The following VPS26B variants were observed in gnomAD, a reference collection of about 807,000 sequenced individuals.
The protein encoded by VPS26B is vacuolar protein sorting-associated protein 26B.
In VPS26B, 10 loss-of-function variants were observed where a neutral mutation model predicts 33.3. That is an observed-to-expected ratio of 0.30 (90% CI 0.19 to 0.51). VPS26B has a LOEUF of 0.51. Among genes scored for constraint, VPS26B ranks in the 20% least tolerant of loss-of-function variants. VPS26B has a pLI of 0.98. For synonymous variants in VPS26B, 190 were observed against 176.9 expected (o/e 1.07, Z -0.59); for missense variants, 317 against 452.7 (o/e 0.70, Z 2.72).
chr11:134,234,878 C>A lies in VPS26B; in HGVS notation c.224-19C>A, dbSNP rs767875683. ...CAGGGTCTGATAAAGGAGGGCGTCG[C>A]ATCGCTGTCTCTCACCAGAACTCTA... On this transcript the variant is annotated intron_variant, in intron 1 of 5. Transcript: ENST00000281187. The A allele has an allele frequency of 1.2e-6, 2 of 1,611,000 alleles. No individual in the cohort carries two copies. Among genetic ancestry groups the A allele is most frequent in the East Asian group, 4.5e-5 (2 of 44,790 alleles).
At chr11:134,226,414 A>G (rs538867701) in intron 1 of VPS26B, among the ~76,000 whole-genome samples, 1 of 152,256 alleles carries the variant, frequency 6.6e-6, no homozygotes, top group South Asian at 2.1e-4. Context: ...TCTCAAAAAA[A>G]TAAACAAATA....
chr11:134,233,582 G>A (rs1018996174), intron 1 of VPS26B, among the ~76,000 whole-genome samples: 1 of 152,200 alleles, frequency 6.6e-6, no homozygotes, highest in African/African-American at 2.4e-5. Flanking sequence ...ACAATTAGCT[G>A]GGCGTGGTGG....
chr11:134,233,114 ATTGT>A (rs1390935619), intron 1 of VPS26B, among the ~76,000 whole-genome samples: 4 of 152,176 alleles, frequency 2.6e-5, no homozygotes, highest in Non-Finnish European at 4.4e-5. Context: ...AAGGAAGGTC[ATTGT>A]TTGTAATAAA....
rs975314478 is a variant in VPS26B, at chr11:134,225,140, C to T, written c.18C>T (p.Phe6=). The part of the protein sequence containing the change: MSFFG[F]GQSVEVEILL... ...GCGGTGCGATGAGCTTCTTCGGCTT[C>T]GGGCAGAGCGTGGAGGTGGAAATCC... Residue 6 remains phenylalanine, a synonymous_variant, in exon 1 of 6, where the codon TTC becomes TTT. Transcript: ENST00000281187. 3.1e-6 allele frequency: 5 copies of T among 1,609,728 alleles called. No homozygotes were observed. Among genetic ancestry groups the T allele is most frequent in the Non-Finnish European group, 3.4e-6 (4 of 1,177,304 alleles).
intron 1 of VPS26B, 115 bp downstream of exon 1, chr11:134,225,460 C>A: frequency 9.5e-7 from 1 of 1,052,530 alleles, no homozygotes; most frequent in Non-Finnish European, 1.4e-6. Context: ...CAACTGCAGT[C>A]TGAGGCCTGG....
intron 2 of VPS26B, among the ~76,000 whole-genome samples, chr11:134,238,150 G>A (rs970810287): frequency 1.3e-5 from 2 of 152,168 alleles, no homozygotes; most frequent in East Asian, 1.9e-4. Flanking sequence ...CATATCAGGT[G>A]TGCCCAGGCA....
chr11:134,244,651 A>T lies in VPS26B; in HGVS notation c.722-287A>T, dbSNP rs1938782844. On this transcript the variant is annotated intron_variant, in intron 4 of 5. Transcript: ENST00000281187. This position sits in a 1 kb window ranked among gnomAD's most constrained non-coding sequence, Gnocchi z 4.0. ...AAAACCCCAAAACTAAACACACTGC[A>T]TGTAATCAAAAGATGCTTATACTAA... 3 of 311,440 alleles carry T rather than the reference A, an allele frequency of 9.6e-6. No individual in the cohort carries two copies. The South Asian group carries it at 2.1e-4, about 22-fold the overall frequency. The allele number at this position is 311,440 out of a possible 1,614,324, so 19.3% of individuals were successfully genotyped here.
intron 1 of VPS26B, 108 bp downstream of exon 1, chr11:134,225,453 C>T (rs1189494271): frequency 8.8e-7 from 1 of 1,136,948 alleles, no homozygotes; most frequent in African/African-American, 1.5e-5. Flanking sequence ...CGCTTGTCAA[C>T]TGCAGTCTGA....
chr11:134,245,422 T>C lies in VPS26B; in HGVS notation c.865-22T>C. ...CATGCCTCCCTCTAAGGTGTCACATTGCCCCCCTTTCAATTCTGCAGGAAG... is the reference window on the plus strand; with the variant it reads ...CATGCCTCCCTCTAAGGTGTCACATCGCCCCCCTTTCAATTCTGCAGGAAG... On this transcript the variant is annotated intron_variant, in intron 5 of 5. Transcript: ENST00000281187. The surrounding 1 kb of genome is among the most constrained non-coding windows in gnomAD (Gnocchi z 4.7). 6.2e-7 allele frequency: 1 copy of C among 1,613,764 alleles called. No individual in the cohort carries two copies. The highest frequency in any genetic ancestry group is 8.5e-7 in the Non-Finnish European group (1 of 1,179,718).
chr11:134,246,540 T>C lies in VPS26B; in HGVS notation c.*950T>C, dbSNP rs34003681. On this transcript the variant is annotated 3_prime_UTR_variant, in exon 6 of 6. Coordinates refer to ENST00000281187, the MANE Select transcript of VPS26B (RefSeq NM_052875.5). ...CACCCTCCATTTCATTTCTGGGAAT[T>C]GGGGCTTAGTTTCGAACCTTTGGCA... The C allele has an allele frequency of 0.065, 9,856 of 152,424 alleles. 475 individuals carry two copies. Among genetic ancestry groups the C allele is most frequent in the African/African-American group, 0.14 (5,743 of 41,454 alleles). The allele number at this position is 152,424 out of a possible 1,614,324, so 9.4% of individuals were successfully genotyped here. A position where few individuals can be genotyped will look rare whatever the true frequency, so the allele number is the denominator to read the frequency against.
Position 134,245,230 on chromosome 11 carries a change from C to T in VPS26B, c.864+150C>T, listed in dbSNP as rs1938791846. On this transcript the variant is annotated intron_variant, in intron 5 of 5. Transcript: ENST00000281187. The surrounding 1 kb of genome is among the most constrained non-coding windows in gnomAD (Gnocchi z 4.7). ...ACAAGAATGAGGATTCTCACCTGGC[C>T]TTAGAGTCTGCTTCCTCGGGCCTTC... The T allele has an allele frequency of 5.1e-5, 69 of 1,347,624 alleles. 1 individual carries two copies. In the South Asian group the frequency reaches 9.6e-4, roughly 19 times the overall value. 83.5% of individuals were successfully genotyped at this position (1,347,624 alleles called of 1,614,324 possible).
In VPS26B at chr11:134,240,027, T is replaced by C. The variant is rs1938692864; in HGVS notation, c.417T>C (p.Asn139=). The C allele has an allele frequency of 6.2e-7, 1 of 1,614,072 alleles. No homozygotes were observed. ...FLRATISRRL[N]DVVKEMDIVV... The stretch of plus-strand genomic sequence containing the variant: ...GTGCTACCATCAGCCGCCGCCTCAA[T>C]GATGTTGTCAAAGAGATGGACATTG... The change falls in exon 3 of 6, where the codon AAT becomes AAC. Residue 139 remains asparagine, a synonymous_variant. Transcript: ENST00000281187. The surrounding 1 kb of genome is among the most constrained non-coding windows in gnomAD (Gnocchi z 4.4).
At chr11:134,231,115 G>A (rs763476125) in intron 1 of VPS26B, among the ~76,000 whole-genome samples, 4 of 152,204 alleles carry the variant, frequency 2.6e-5, no homozygotes, top group African/African-American at 4.8e-5. Context: ...GACCTGGGCC[G>A]CCTTGGAGAC....
At chr11:134,241,928 C>G (rs776315976) in intron 3 of VPS26B, among the ~76,000 whole-genome samples, 1 of 152,250 alleles carries the variant, frequency 6.6e-6, no homozygotes, top group Non-Finnish European at 1.5e-5. Flanking sequence ...GTTTCAAACA[C>G]ACAGAAAGTG....
intron 2 of VPS26B, chr11:134,235,411 G>C (rs1018257289): frequency 1.2e-5 from 2 of 168,386 alleles, no homozygotes; most frequent in African/African-American, 4.8e-5. Flanking sequence ...TGAGATTTTC[G>C]CATGTCTTAC....
Position 134,235,035 on chromosome 11 carries a change from G to A in VPS26B, c.362G>A (p.Gly121Glu). The A allele has an allele frequency of 6.2e-7, 1 of 1,613,938 alleles. No homozygotes were observed. The highest frequency in any genetic ancestry group is 8.5e-7 in the Non-Finnish European group (1 of 1,179,924). ...GAGAAGCCGTATGAGTCCTACACAGGGCAGAATGTGAAGCTACGGTAAGTG... is the reference window on the plus strand; with the variant it reads ...GAGAAGCCGTATGAGTCCTACACAGAGCAGAATGTGAAGCTACGGTAAGTG... ...HVEKPYESYT[G>E]QNVKLRYFLR... The change falls in exon 2 of 6, where the codon GGG becomes GAG. Residue 121 changes from glycine (G) to glutamate (E), a missense_variant. Transcript: ENST00000281187.
At position 134,245,344 on chromosome 11, in the gene VPS26B, CCT is replaced by C; in HGVS notation, c.865-99_865-98del. 6.5e-7 allele frequency: 1 copy of C among 1,536,228 alleles called. No individual in the cohort carries two copies. The highest frequency in any genetic ancestry group is 1.8e-5 in the Admixed American group (1 of 56,570). On this transcript the variant is annotated intron_variant, in intron 5 of 5. Transcript: ENST00000281187. The surrounding 1 kb of genome is among the most constrained non-coding windows in gnomAD (Gnocchi z 4.7). ...TTGGTGAGAGAGAAGCAGAGGAGGT[CCT>C]TGCCCGAGATTCCCCACGTCAAAGT...
At position 134,246,319 on chromosome 11, in the gene VPS26B, C is replaced by A. The variant is rs1237651551; in HGVS notation, c.*729C>A. 3 of 152,436 alleles carry A rather than the reference C, an allele frequency of 2.0e-5. No individual in the cohort carries two copies. The highest frequency in any genetic ancestry group is 4.4e-5 in the Non-Finnish European group (3 of 68,286). The allele number at this position is 152,436 out of a possible 1,614,324, so 9.4% of individuals were successfully genotyped here. A position where few individuals can be genotyped will look rare whatever the true frequency, so the allele number is the denominator to read the frequency against. ...AACCCAGGAGGCTGAACCCGGCCCA[C>A]CACGGAAGATGAGTGCATGGCAACC... On this transcript the variant is annotated 3_prime_UTR_variant, in exon 6 of 6. Transcript: ENST00000281187.
In VPS26B at chr11:134,234,876, C is replaced by T. The variant is rs144648369; in HGVS notation, c.224-21C>T. 11,780 of 1,610,044 alleles carry T rather than the reference C, an allele frequency of 7.3e-3. 109 individuals carry two copies. Among genetic ancestry groups the T allele is most frequent in the South Asian group, 0.031 (2,847 of 90,544 alleles). ...CTCAGGGTCTGATAAAGGAGGGCGT[C>T]GCATCGCTGTCTCTCACCAGAACTC... is the stretch of plus-strand genomic sequence containing the variant. On this transcript the variant is annotated intron_variant, in intron 1 of 5. Transcript: ENST00000281187.
Sources: gnomAD v4.1 joint callset for allele counts (sites outside exome capture counted in the v4.1 genomes callset) on GRCh38, gnomAD v4.1.1 for gene constraint, Gnocchi (gnomAD v3.1) non-coding constraint, MANE v1.5 for transcripts, NCBI Gene and HGNC (gene_info 2026-07-23, HGNC 2026-07-21) for gene names.